The following CDH9 variants were observed in gnomAD, a reference collection of about 807,000 sequenced individuals.
The protein encoded by CDH9 is cadherin 9, also known as cadherin-9.
A neutral mutation model predicts 70.9 loss-of-function variants in CDH9; 28 were observed. That is an observed-to-expected ratio of 0.40 (90% confidence interval 0.29 to 0.54). CDH9 has a LOEUF of 0.54. Among genes scored for constraint, CDH9 ranks in the 20% least tolerant of loss-of-function variants. The pLI, the probability that CDH9 is intolerant of heterozygous loss-of-function variation, is 0.59. For missense variants in CDH9, 874 were observed against 984.4 expected (o/e 0.89, Z 1.50); for synonymous variants, 409 against 343.1 (o/e 1.19, Z -2.12).
chr5:27,006,356 C>G (rs1742865564), intron 1 of CDH9, among the ~76,000 whole-genome samples: 1 of 151,956 alleles, frequency 6.6e-6, no homozygotes. Context: ...GAACTGTATA[C>G]CTGGGCTCAC....
At chr5:26,969,445 C>A (rs890545314) in intron 2 of CDH9, among the ~76,000 whole-genome samples, 2 of 152,026 alleles carry the variant, frequency 1.3e-5, no homozygotes, top group Non-Finnish European at 2.9e-5. Context: ...AGCCAAAAAT[C>A]TGTTCATATG....
chr5:26,956,989 G>T (rs2112055172), intron 2 of CDH9, among the ~76,000 whole-genome samples: 1 of 126,104 alleles, frequency 7.9e-6, no homozygotes, highest in South Asian at 3.0e-4. Flanking sequence ...CAATGCAGTT[G>T]TCTTTCCATG....
intron 5 of CDH9, among the ~76,000 whole-genome samples, 168 bp downstream of exon 5, chr5:26,905,791 C>A (rs1425644743): frequency 1.5e-5 from 2 of 132,526 alleles, no homozygotes; most frequent in Non-Finnish European, 3.2e-5. Context: ...CACCATCACT[C>A]TCTATTTGTG....
At chr5:26,898,404 C>T (rs574954409) in intron 7 of CDH9, among the ~76,000 whole-genome samples, 6 of 152,228 alleles carry the variant, frequency 3.9e-5, no homozygotes, top group African/African-American at 9.6e-5. Context: ...GGAGGCATCA[C>T]GCCACCTGAC....
At chr5:26,908,391 T>C (rs1740986593) in intron 3 of CDH9, among the ~76,000 whole-genome samples, 2 of 152,136 alleles carry the variant, frequency 1.3e-5, no homozygotes, top group South Asian at 4.1e-4. Flanking sequence ...CTATGTGATA[T>C]ATATTAGAAT....
chr5:26,985,649 T>A (rs1288843813), intron 2 of CDH9, among the ~76,000 whole-genome samples: 2 of 152,102 alleles, frequency 1.3e-5, no homozygotes, highest in Non-Finnish European at 2.9e-5. Context: ...TATAAAACTA[T>A]AAAGAAACCA....
chr5:26,954,695 T>A (rs988197822), intron 2 of CDH9, among the ~76,000 whole-genome samples: 1 of 151,822 alleles, frequency 6.6e-6, no homozygotes, highest in Non-Finnish European at 1.5e-5. Context: ...TATAACAGCC[T>A]TTTTTTTATT....
intron 1 of CDH9, among the ~76,000 whole-genome samples, chr5:26,994,567 TG>T (rs1450075875): frequency 4.0e-5 from 6 of 151,728 alleles, no homozygotes; most frequent in East Asian, 3.9e-4. Flanking sequence ...TTGTTTGTTT[TG>T]TTTTTTTTTG....
intron 4 of CDH9, among the ~76,000 whole-genome samples, 189 bp from the exon 5 acceptor site, chr5:26,906,315 T>C (rs1350213253): frequency 1.3e-5 from 2 of 152,198 alleles, no homozygotes. Flanking sequence ...CGGGCTATAG[T>C]TCATGAAATG....
chr5:26,951,632 G>A (rs1741847329), intron 2 of CDH9, among the ~76,000 whole-genome samples: 1 of 152,190 alleles, frequency 6.6e-6, no homozygotes, highest in Non-Finnish European at 1.5e-5. Flanking sequence ...ACATTCTACA[G>A]AGATCTGGGG....
chr5:26,883,129 CT>C (rs1424539825), intron 11 of CDH9, among the ~76,000 whole-genome samples: 2 of 124,764 alleles, frequency 1.6e-5, no homozygotes, highest in African/African-American at 6.0e-5. Flanking sequence ...CTGTACTCTT[CT>C]TTTAAAAGAT....
intron 2 of CDH9, among the ~76,000 whole-genome samples, chr5:26,954,699 T>C (rs912590960): frequency 6.6e-6 from 1 of 152,138 alleles, no homozygotes; most frequent in African/African-American, 2.4e-5. Context: ...ACAGCCTTTT[T>C]TTTATTCTTG....
At chr5:26,917,392 T>C (rs1028931149) in intron 2 of CDH9, among the ~76,000 whole-genome samples, 9 of 151,966 alleles carry the variant, frequency 5.9e-5, no homozygotes, top group Admixed American at 5.2e-4. Flanking sequence ...TAATAAACTA[T>C]ATATTTGAAA....
chr5:26,974,479 A>G (rs549470481), intron 2 of CDH9, among the ~76,000 whole-genome samples: 2 of 152,276 alleles, frequency 1.3e-5, no homozygotes, highest in South Asian at 4.1e-4. Context: ...AGAATGTTAT[A>G]GTCCTGTGCT....
At chr5:26,983,253 A>G (rs945087718) in intron 2 of CDH9, among the ~76,000 whole-genome samples, 1 of 152,204 alleles carries the variant, frequency 6.6e-6, no homozygotes, top group African/African-American at 2.4e-5. Context: ...AGTTATGGGG[A>G]CATAGAACAT....
At chr5:26,973,799 A>G (rs773371814) in intron 2 of CDH9, among the ~76,000 whole-genome samples, 12 of 152,174 alleles carry the variant, frequency 7.9e-5, no homozygotes, top group Non-Finnish European at 1.2e-4. Context: ...GCCTTTTTAT[A>G]TTTTAAAATG....
At chr5:27,004,576 G>A (rs1283709072) in intron 1 of CDH9, among the ~76,000 whole-genome samples, 1 of 152,070 alleles carries the variant, frequency 6.6e-6, no homozygotes, top group African/African-American at 2.4e-5. Flanking sequence ...CAAAAGGCAA[G>A]GAGAGACAAC....
At chr5:26,915,132 A>G (rs1741124970) in intron 3 of CDH9, among the ~76,000 whole-genome samples, 1 of 151,980 alleles carries the variant, frequency 6.6e-6, no homozygotes, top group African/African-American at 2.4e-5. Flanking sequence ...CAGTTGCTTA[A>G]TCTTTCTGAA....
intron 2 of CDH9, among the ~76,000 whole-genome samples, chr5:26,945,255 C>T (rs1741732563): frequency 6.6e-6 from 1 of 151,362 alleles, no homozygotes; most frequent in African/African-American, 2.4e-5. Flanking sequence ...TATCCAATGG[C>T]TACTGAGAAA....
Sources: gnomAD v4.1 joint callset for allele counts (sites outside exome capture counted in the v4.1 genomes callset) on GRCh38, gnomAD v4.1.1 for gene constraint, MANE v1.5 for transcripts, NCBI Gene and HGNC (gene_info 2026-07-23, HGNC 2026-07-21) for gene names.